SLC44A5: variants seen among roughly 807,000 people sequenced by gnomAD.
The protein encoded by SLC44A5 is choline transporter-like protein 5.
SLC44A5 carries 57 observed loss-of-function variants against 101.8 expected under a neutral mutation model. The observed-to-expected ratio is 0.56, with a 90% confidence interval of 0.45 to 0.70. The LOEUF is 0.70. Ranked by LOEUF, SLC44A5 falls within the 30% of genes least tolerant of loss-of-function variation. The pLI, the probability that SLC44A5 is intolerant of heterozygous loss-of-function variation, is 0.00. For synonymous variants in SLC44A5, 281 were observed against 290.9 expected (o/e 0.97, Z 0.35); for missense variants, 737 against 853.1 (o/e 0.86, Z 1.70).
the SLC44A5 span, among the ~76,000 whole-genome samples, chr1:75,721,589 A>G: frequency 6.6e-6 from 1 of 152,222 alleles, no homozygotes; most frequent in Non-Finnish European, 1.5e-5. Context: ...GTAATACAAT[A>G]TTAACTACAC....
intron 3 of SLC44A5, among the ~76,000 whole-genome samples, chr1:75,365,988 A>T (rs1173886202): frequency 6.6e-6 from 1 of 152,218 alleles, no homozygotes; most frequent in East Asian, 1.9e-4. Context: ...AATATAAAAG[A>T]TATAACTATT....
At chr1:75,237,423 T>C (rs1346639814) in intron 10 of SLC44A5, among the ~76,000 whole-genome samples, 1 of 152,096 alleles carries the variant, frequency 6.6e-6, no homozygotes, top group East Asian at 1.9e-4. Context: ...AGAATGAACA[T>C]GATCTTTAAT....
At chr1:75,647,369 G>A in the SLC44A5 span, among the ~76,000 whole-genome samples, 1 of 152,214 alleles carries the variant, frequency 6.6e-6, no homozygotes, top group African/African-American at 2.4e-5. Context: ...CTGCAGGGCA[G>A]AGCCCTCATG....
chr1:75,274,864 C>A (rs1651789483), intron 6 of SLC44A5, 94 bp downstream of exon 6: 5 of 997,060 alleles, frequency 5.0e-6, no homozygotes, highest in African/African-American at 3.3e-5. Context: ...GAATTTAAAT[C>A]TTCTTAAGAA....
At chr1:75,533,341 A>G (rs993296405) in intron 2 of SLC44A5, among the ~76,000 whole-genome samples, 21 of 152,218 alleles carry the variant, frequency 1.4e-4, no homozygotes, top group Admixed American at 9.2e-4. Context: ...CGAGGCCCCA[A>G]CGGAAACAAT....
At chr1:75,307,849 T>C (rs1485494469) in intron 4 of SLC44A5, among the ~76,000 whole-genome samples, 7 of 152,214 alleles carry the variant, frequency 4.6e-5, no homozygotes, top group African/African-American at 1.2e-4. Flanking sequence ...ACACTGGCTG[T>C]TTCTATAAGA....
chr1:75,339,766 A>T lies in SLC44A5; in HGVS notation c.53-136T>A, dbSNP rs932379902. The T allele has an allele frequency of 9.4e-6, 6 of 639,512 alleles. No homozygotes were observed. The African/African-American group carries it at 1.1e-4, about 12-fold the overall frequency. The allele number at this position is 639,512 out of a possible 1,614,324, so 39.6% of individuals were successfully genotyped here. On this transcript the variant is annotated intron_variant, in intron 3 of 23. Coordinates refer to ENST00000370859, the MANE Select transcript of SLC44A5 (RefSeq NM_001130058.2). ...TGAATTCATACTTTGGTTTGATGAA[A>T]CATAAGTATGTCTTGGTTACAGTTG... is the stretch of plus-strand genomic sequence containing the variant.
the SLC44A5 span, among the ~76,000 whole-genome samples, chr1:75,700,871 A>G: frequency 1.5e-4 from 23 of 152,266 alleles, no homozygotes; most frequent in Admixed American, 5.2e-4. Flanking sequence ...AGAGAATACT[A>G]TAAACACCTC....
At chr1:75,479,260 C>T (rs1294190028) in intron 2 of SLC44A5, among the ~76,000 whole-genome samples, 2 of 152,044 alleles carry the variant, frequency 1.3e-5, no homozygotes, top group African/African-American at 2.4e-5. Flanking sequence ...CAGTGTGTAG[C>T]GGGAAACTTA....
At chr1:75,387,034 C>A (rs1164590671) in intron 3 of SLC44A5, among the ~76,000 whole-genome samples, 1 of 151,914 alleles carries the variant, frequency 6.6e-6, no homozygotes, top group Non-Finnish European at 1.5e-5. Context: ...TGGATCCCTT[C>A]CTTACACCTT....
the SLC44A5 span, among the ~76,000 whole-genome samples, chr1:75,638,466 T>G: frequency 6.6e-6 from 1 of 152,098 alleles, no homozygotes; most frequent in African/African-American, 2.4e-5. Flanking sequence ...CAGGAAAAGT[T>G]CAACACTGTC....
At chr1:75,722,783 A>G in the SLC44A5 span, among the ~76,000 whole-genome samples, 4 of 152,180 alleles carry the variant, frequency 2.6e-5, no homozygotes, top group African/African-American at 9.7e-5. Flanking sequence ...TGATCTCACA[A>G]TGATGGTCTC....
rs897737044 is a variant in SLC44A5, at chr1:75,202,807, A to G, written c.*920T>C. The G allele has an allele frequency of 6.6e-6, 1 of 152,012 alleles. No homozygotes were observed. The highest frequency in any genetic ancestry group is 1.5e-5 in the Non-Finnish European group (1 of 67,994). The allele number at this position is 152,012 out of a possible 1,614,324, so 9.4% of individuals were successfully genotyped here. A position where few individuals can be genotyped will look rare whatever the true frequency, so the allele number is the denominator to read the frequency against. On this transcript the variant is annotated 3_prime_UTR_variant, in exon 24 of 24. Transcript: ENST00000370859. ...AGAAATGCAGTATTATACCTATTGT[A>G]TTTTCAAAGATCTACTATAGAAAAC... is the stretch of plus-strand genomic sequence containing the variant.
chr1:75,676,791 T>G, the SLC44A5 span, among the ~76,000 whole-genome samples: 1 of 152,036 alleles, frequency 6.6e-6, no homozygotes, highest in Non-Finnish European at 1.5e-5. Flanking sequence ...CCAAGCAGAT[T>G]TAACCAAAAG....
chr1:75,326,116 G>A (rs1004583144), intron 4 of SLC44A5, among the ~76,000 whole-genome samples: 12 of 150,072 alleles, frequency 8.0e-5, no homozygotes, highest in African/African-American at 2.7e-4. Flanking sequence ...GTGTGTGTGT[G>A]TGTGTGTGTA....
At chr1:75,267,367 A>G (rs756876984) in intron 6 of SLC44A5, among the ~76,000 whole-genome samples, 4 of 152,150 alleles carry the variant, frequency 2.6e-5, no homozygotes, top group Non-Finnish European at 5.9e-5. Flanking sequence ...TATGAAGACA[A>G]TCTATTGTCT....
chr1:75,636,273 GAATT>G, the SLC44A5 span, among the ~76,000 whole-genome samples: 1 of 151,942 alleles, frequency 6.6e-6, no homozygotes, highest in Admixed American at 6.6e-5. Flanking sequence ...ACTGTTATAA[GAATT>G]AAGATATTAT....
chr1:75,604,001 A>C (rs2207750), intron 1 of SLC44A5, among the ~76,000 whole-genome samples: 15,284 of 151,928 alleles, frequency 0.1, 1,304 homozygotes, highest in African/African-American at 0.24. Context: ...TTTGTTGTGC[A>C]AAAGCTACTC....
intron 4 of SLC44A5, among the ~76,000 whole-genome samples, chr1:75,323,213 T>C (rs1323507634): frequency 6.6e-6 from 1 of 151,008 alleles, no homozygotes; most frequent in Non-Finnish European, 1.5e-5. Flanking sequence ...GTTCTTGCGA[T>C]AGTTTACTGA....
Sources: gnomAD v4.1 joint callset for allele counts (sites outside exome capture counted in the v4.1 genomes callset) on GRCh38, gnomAD v4.1.1 for gene constraint, MANE v1.5 for transcripts, NCBI Gene and HGNC (gene_info 2026-07-23, HGNC 2026-07-21) for gene names.